Variants in TRAT1 observed in about 807,000 individuals in gnomAD.
TRAT1 encodes T-cell receptor-associated transmembrane adapter 1.
In TRAT1, 20 loss-of-function variants were observed where a neutral mutation model predicts 20.0. The observed-to-expected ratio is 1.00, with a 90% confidence interval of 0.70 to 1.45. The LOEUF is 1.45. TRAT1 is among the 40% of genes most tolerant of loss of function. The pLI is 0.00. For synonymous variants in TRAT1, 77 were observed against 74.2 expected (o/e 1.04, Z -0.20); for missense variants, 237 against 224.1 (o/e 1.06, Z -0.37).
intron 1 of TRAT1, among the ~76,000 whole-genome samples, chr3:108,826,710 T>A (rs1278100458): frequency 6.6e-6 from 1 of 152,154 alleles, no homozygotes; most frequent in East Asian, 1.9e-4. Flanking sequence ...AAAAAGACGT[T>A]CATTGCTCTG....
intron 1 of TRAT1, among the ~76,000 whole-genome samples, chr3:108,828,140 A>G (rs557241618): frequency 6.6e-6 from 1 of 152,270 alleles, no homozygotes; most frequent in Admixed American, 6.5e-5. Flanking sequence ...TCCTTGAAGT[A>G]TGATTGGTTA....
chr3:108,838,889 T>C, intron 2 of TRAT1, 45 bp from the exon 3 acceptor site: 1 of 1,409,948 alleles, frequency 7.1e-7, no homozygotes, highest in Non-Finnish European at 1.0e-6. Context: ...TTAACAAAGG[T>C]ATGTCAACAT....
chr3:108,830,895 A>G, intron 2 of TRAT1, 115 bp downstream of exon 2: 1 of 684,746 alleles, frequency 1.5e-6, no homozygotes, highest in Non-Finnish European at 2.6e-6. Flanking sequence ...GGATATTTTT[A>G]TCTATAGAAA....
At chr3:108,827,390 G>A (rs1576517339) in intron 1 of TRAT1, among the ~76,000 whole-genome samples, 1 of 70,182 alleles carries the variant, frequency 1.4e-5, no homozygotes. Flanking sequence ...GTGTATGTGT[G>A]TGTGTGTGTG....
intron 1 of TRAT1, among the ~76,000 whole-genome samples, chr3:108,830,005 G>A (rs1029938112): frequency 2.0e-5 from 3 of 152,168 alleles, no homozygotes; most frequent in African/African-American, 7.2e-5. Flanking sequence ...ACCTCTCCAT[G>A]TGTGTCATTG....
Position 108,829,961 on chromosome 3 carries a change from G to A in TRAT1, c.8-709G>A, listed in dbSNP as rs78638285. ...AAAATAGCCTCAGGTAGGTCCTTCAGGAGTTATTCCAGGAGGCATTGTTAC... is the reference window on the plus strand; with the variant it reads ...AAAATAGCCTCAGGTAGGTCCTTCAAGAGTTATTCCAGGAGGCATTGTTAC... On this transcript the variant is annotated intron_variant, in intron 1 of 5. Transcript: ENST00000295756. 1.6e-3 allele frequency among the ~76,000 whole-genome samples: 244 copies of A among 152,248 alleles called. 8 individuals are homozygous for A. The East Asian group carries it at 0.042, about 26-fold the overall frequency.
At chr3:108,845,341 GA>G (rs1218496148) in intron 3 of TRAT1, among the ~76,000 whole-genome samples, 1 of 152,166 alleles carries the variant, frequency 6.6e-6, no homozygotes, top group Non-Finnish European at 1.5e-5. Flanking sequence ...TTTTGGACAT[GA>G]TTTATCATTT....
chr3:108,846,739 T>G (rs1182190285), intron 3 of TRAT1, among the ~76,000 whole-genome samples: 2 of 152,210 alleles, frequency 1.3e-5, no homozygotes, highest in Non-Finnish European at 2.9e-5. Flanking sequence ...AGTACCTATG[T>G]TGGAATTGAG....
chr3:108,833,187 G>A (rs551244286), intron 2 of TRAT1, among the ~76,000 whole-genome samples: 49 of 152,302 alleles, frequency 3.2e-4, no homozygotes, highest in African/African-American at 1.2e-3. Context: ...GGAGGCAGAG[G>A]TGGGTGGATT....
chr3:108,839,062 C>A, intron 3 of TRAT1, 95 bp downstream of exon 3: 1 of 929,550 alleles, frequency 1.1e-6, no homozygotes, highest in Non-Finnish European at 1.7e-6. Context: ...GGATATTGTA[C>A]TTAGGTTAAA....
At chr3:108,823,270 A>T (rs544113961) in intron 1 of TRAT1, among the ~76,000 whole-genome samples, 29 of 152,354 alleles carry the variant, frequency 1.9e-4, no homozygotes, top group South Asian at 4.1e-4. Flanking sequence ...TTTAGCTATT[A>T]AACAGGATAA....
chr3:108,826,308 T>C (rs1405954541), intron 1 of TRAT1, among the ~76,000 whole-genome samples: 2 of 152,170 alleles, frequency 1.3e-5, no homozygotes, highest in African/African-American at 4.8e-5. Flanking sequence ...TACTATTTTC[T>C]CTTTCCCCAT....
chr3:108,843,866 T>C (rs748758556), intron 3 of TRAT1, among the ~76,000 whole-genome samples: 3 of 152,224 alleles, frequency 2.0e-5, no homozygotes, highest in Non-Finnish European at 4.4e-5. Flanking sequence ...CCTCCCTCTT[T>C]GGTTTTCTTC....
rs1945954595 is a variant in TRAT1, at chr3:108,847,106, G to A, written c.191G>A (p.Gly64Asp). The change falls in exon 4 of 6, where the codon GGT becomes GAT. Residue 64 changes from glycine (G) to aspartate (D), a missense_variant. Transcript: ENST00000295756. The part of the protein sequence containing the change: ...EYYIEDTPIY[G>D]NLDDMISEPM... The stretch of plus-strand genomic sequence containing the variant: ...TATATTGAAGACACACCAATTTATG[G>A]TAACTTAGATGATATGATTTCAGGT... 6.5e-7 allele frequency: 1 copy of A among 1,543,340 alleles called. No individual in the cohort carries two copies. The highest frequency in any genetic ancestry group is 8.9e-7 in the Non-Finnish European group (1 of 1,125,708).
intron 4 of TRAT1, among the ~76,000 whole-genome samples, chr3:108,848,168 C>T (rs1480985165): frequency 6.6e-6 from 1 of 152,156 alleles, no homozygotes; most frequent in East Asian, 1.9e-4. Flanking sequence ...TACTTCCATA[C>T]TTAAGTGAGC....
At chr3:108,827,268 G>A (rs7621070) in intron 1 of TRAT1, among the ~76,000 whole-genome samples, 35,349 of 151,976 alleles carry the variant, frequency 0.23, 4,580 homozygotes, top group Middle Eastern at 0.34. Flanking sequence ...AGCACTTTGT[G>A]CATCCAGTAT....
Position 108,848,820 on chromosome 3 carries a change from A to G in TRAT1, c.215-346A>G, listed in dbSNP as rs2593834. ...ATGCACCATTTGCAGTCTATCTTAA[A>G]TAAAGAATACTGGCAATCCCTTAAC... On this transcript the variant is annotated intron_variant, in intron 4 of 5. Transcript: ENST00000295756. Among the ~76,000 whole-genome samples, 1,154 of 152,372 alleles carry G rather than the reference A, an allele frequency of 7.6e-3. 22 individuals are homozygous for G. Among genetic ancestry groups the G allele is most frequent in the African/African-American group, 0.026 (1,099 of 41,582 alleles).
chr3:108,823,614 C>T (rs757563226), intron 1 of TRAT1, among the ~76,000 whole-genome samples: 79 of 152,070 alleles, frequency 5.2e-4, no homozygotes, highest in Non-Finnish European at 9.7e-4. Flanking sequence ...AAAATTCATA[C>T]GTATTTTCCA....
intron 5 of TRAT1, among the ~76,000 whole-genome samples, chr3:108,851,492 C>G (rs961615980): frequency 2.0e-5 from 3 of 152,144 alleles, no homozygotes; most frequent in African/African-American, 7.2e-5. Flanking sequence ...AGCCAATGCT[C>G]TTATTCATGA....
Sources: allele counts gnomAD v4.1 joint callset (sites outside exome capture counted in the v4.1 genomes callset), GRCh38; gene constraint gnomAD v4.1.1; transcripts MANE v1.5; gene names NCBI Gene and HGNC (gene_info 2026-07-23, HGNC 2026-07-21).